Variants in CCSER2 observed in about 807,000 individuals in gnomAD.
The protein encoded by CCSER2 is serine-rich coiled-coil domain-containing protein 2.
In CCSER2, 46 loss-of-function variants were observed where a neutral mutation model predicts 92.3. The observed-to-expected ratio is 0.50, with a 90% CI of 0.39 to 0.64. The LOEUF (loss-of-function observed/expected upper bound fraction) is 0.64, where lower values mean the gene tolerates loss of function less well. Among genes scored for constraint, CCSER2 ranks in the 30% least tolerant of loss-of-function variants. CCSER2 has a pLI of 0.00. For synonymous variants in CCSER2, 433 were observed against 431.4 expected (o/e 1.00, Z -0.04); for missense variants, 1,244 against 1,238.9 (o/e 1.00, Z -0.06).
rs1429597719 is a variant in CCSER2, at chr10:84,514,108, C to A, written c.2985C>A (p.Ser995Arg). 2 of 1,536,194 alleles carry A rather than the reference C, an allele frequency of 1.3e-6. No individual in the cohort carries two copies. The highest frequency in any genetic ancestry group is 1.7e-6 in the Non-Finnish European group (2 of 1,146,936). The change falls in exon 10 of 10, where the codon AGC becomes AGA. Residue 995 changes from serine to arginine, a missense_variant. By Grantham distance (110) the Ser-to-Arg change is moderately radical. Coordinates refer to ENST00000372088, the MANE Select transcript of CCSER2 (RefSeq NM_001284240.2). ...CTTTCAAACAAAAACAAACAAACAG[C>A]CCCCAACTAGAGCCTCAAAGCTTCC... is the stretch of plus-strand genomic sequence containing the variant. Reference protein sequence around the residue: ...SGSFKQKQTNSPQLEPQSFQA... With the variant: ...SGSFKQKQTNRPQLEPQSFQA...
intron 9 of CCSER2, among the ~76,000 whole-genome samples, chr10:84,487,405 C>T (rs909264241): frequency 6.6e-6 from 1 of 152,140 alleles, no homozygotes; most frequent in African/African-American, 2.4e-5. Flanking sequence ...TTGTTAGTGT[C>T]CTCTTTTATT....
intron 3 of CCSER2, among the ~76,000 whole-genome samples, chr10:84,377,873 T>C (rs548563072): frequency 4.6e-5 from 7 of 152,356 alleles, no homozygotes; most frequent in African/African-American, 1.7e-4. Flanking sequence ...TTTATGAGTT[T>C]TTGTTGTATA....
At chr10:84,468,084 A>G (rs1846558854) in intron 7 of CCSER2, among the ~76,000 whole-genome samples, 1 of 152,186 alleles carries the variant, frequency 6.6e-6, no homozygotes, top group South Asian at 2.1e-4. Context: ...ATAGTTTACT[A>G]GCCAATTGCT....
chr10:84,454,043 C>T (rs1845454035), intron 6 of CCSER2, among the ~76,000 whole-genome samples: 1 of 152,128 alleles, frequency 6.6e-6, no homozygotes, highest in South Asian at 2.1e-4. Flanking sequence ...TGGAGGCTTA[C>T]ATCAATAGAA....
At chr10:84,388,079 G>C (rs564342902) in intron 3 of CCSER2, among the ~76,000 whole-genome samples, 1 of 152,180 alleles carries the variant, frequency 6.6e-6, no homozygotes, top group African/African-American at 2.4e-5. Flanking sequence ...TGGCCAGGCT[G>C]GTCTCGAACT....
intron 3 of CCSER2, among the ~76,000 whole-genome samples, chr10:84,409,860 C>G (rs1011076968): frequency 6.6e-6 from 1 of 152,130 alleles, no homozygotes; most frequent in African/African-American, 2.4e-5. Context: ...ATTCTATCAT[C>G]CAGGTATTAA....
intron 7 of CCSER2, among the ~76,000 whole-genome samples, chr10:84,466,837 A>G (rs891473430): frequency 2.0e-5 from 3 of 151,912 alleles, no homozygotes; most frequent in Admixed American, 1.3e-4. Flanking sequence ...TAATTTATCT[A>G]TATTTGTCTC....
intron 1 of CCSER2, among the ~76,000 whole-genome samples, chr10:84,332,685 A>G (rs35479415): frequency 0.058 from 8,833 of 151,756 alleles, 370 homozygotes; most frequent in Admixed American, 0.1. Context: ...GGTGTGGTGG[A>G]TCACACCTGT....
intron 9 of CCSER2, chr10:84,500,101 T>G (rs1402892103): frequency 9.0e-7 from 1 of 1,105,770 alleles, no homozygotes; most frequent in Non-Finnish European, 1.3e-6. Context: ...CTCTCTGTGG[T>G]CTCCTCTCTT....
intron 3 of CCSER2, among the ~76,000 whole-genome samples, chr10:84,375,170 C>A (rs918637974): frequency 3.3e-5 from 5 of 152,142 alleles, no homozygotes; most frequent in Admixed American, 1.3e-4. Context: ...TGATTCAGTT[C>A]ATTGTTCCTG....
chr10:84,460,885 G>T (rs1042885739), intron 6 of CCSER2, among the ~76,000 whole-genome samples: 2 of 151,978 alleles, frequency 1.3e-5, no homozygotes, highest in South Asian at 2.1e-4. Context: ...TGGCAGTTTT[G>T]CTAGATGTCT....
At chr10:84,421,593 A>T (rs886550768) in intron 4 of CCSER2, among the ~76,000 whole-genome samples, 1 of 152,062 alleles carries the variant, frequency 6.6e-6, no homozygotes, top group African/African-American at 2.4e-5. Context: ...CCCTTTACAC[A>T]TGGGGATTAT....
chr10:84,403,185 G>GA (rs1842208847), intron 3 of CCSER2, among the ~76,000 whole-genome samples: 1 of 152,182 alleles, frequency 6.6e-6, no homozygotes, highest in South Asian at 2.1e-4. Flanking sequence ...TTTGAAAAAG[G>GA]TTAGAGGCAG....
chr10:84,416,867 C>T (rs1280479095), intron 3 of CCSER2, among the ~76,000 whole-genome samples: 1 of 152,050 alleles, frequency 6.6e-6, no homozygotes, highest in Admixed American at 6.5e-5. Flanking sequence ...GGAGGCGGAG[C>T]TTGCAGTGAG....
chr10:84,332,436 A>ATATATATATATATATT (rs1401635246), intron 1 of CCSER2, among the ~76,000 whole-genome samples: 5 of 55,218 alleles, frequency 9.1e-5, no homozygotes, highest in African/African-American at 4.6e-4. Context: ...ATATATATAT[A>ATATATATATATATATT]TTTTTTTTTT....
chr10:84,445,438 C>G (rs1386228065), intron 6 of CCSER2, among the ~76,000 whole-genome samples: 1 of 152,242 alleles, frequency 6.6e-6, no homozygotes, highest in Admixed American at 6.5e-5. Context: ...CAGGCGTGAG[C>G]CACCGCACCT....
intron 3 of CCSER2, among the ~76,000 whole-genome samples, chr10:84,399,978 G>A (rs532340220): frequency 3.3e-5 from 5 of 151,428 alleles, no homozygotes; most frequent in African/African-American, 7.3e-5. Context: ...GTTTTGATTC[G>A]CTTAGTCTCA....
chr10:84,335,226 CTCTTTTTT>C (rs1427904091), intron 1 of CCSER2, among the ~76,000 whole-genome samples: 62 of 95,074 alleles, frequency 6.5e-4, no homozygotes, highest in Non-Finnish European at 1.2e-3. Flanking sequence ...TTCTCTCTCT[CTCTTTTTT>C]TTTTTTTTTT....
At chr10:84,355,919 A>G (rs1051127033) in intron 1 of CCSER2, among the ~76,000 whole-genome samples, 5 of 152,142 alleles carry the variant, frequency 3.3e-5, no homozygotes. Flanking sequence ...CGTGGCCAAC[A>G]TGGTGAAACC....
Sources: allele counts gnomAD v4.1 joint callset (sites outside exome capture counted in the v4.1 genomes callset), GRCh38; gene constraint gnomAD v4.1.1; transcripts MANE v1.5; gene names NCBI Gene and HGNC (gene_info 2026-07-23, HGNC 2026-07-21).